The following MASTL variants were observed in gnomAD, a reference collection of about 807,000 sequenced individuals.
The protein encoded by MASTL is serine/threonine-protein kinase greatwall.
A neutral mutation model predicts 82.5 loss-of-function variants in MASTL; 54 were observed. The ratio of observed to expected loss-of-function variants is 0.65; its 90% CI spans 0.53 to 0.82. MASTL has a LOEUF of 0.82. Ranked by LOEUF, MASTL falls within the 40% of genes least tolerant of loss-of-function variation. The pLI, the probability that MASTL is intolerant of heterozygous loss-of-function variation, is 0.00. For synonymous variants in MASTL, 323 were observed against 368.9 expected, an observed-to-expected ratio of 0.88 and a Z score of 1.43; for missense variants, 950 against 1,047.8, an observed-to-expected ratio of 0.91 and a Z score of 1.29.
intron 8 of MASTL, among the ~76,000 whole-genome samples, chr10:27,171,558 A>G (rs1017033568): frequency 9.4e-6 from 1 of 106,236 alleles, no homozygotes; most frequent in African/African-American, 3.4e-5. Context: ...CAGCCTCCCA[A>G]GTAGCTGGGA....
intron 3 of MASTL, among the ~76,000 whole-genome samples, 155 bp from the exon 4 acceptor site, chr10:27,160,939 G>A (rs2057551406): frequency 6.6e-6 from 1 of 152,210 alleles, no homozygotes; most frequent in African/African-American, 2.4e-5. Context: ...GCTTTTGAGA[G>A]ATGTTTTCTG....
chr10:27,165,866 A>C (rs1312692593), intron 6 of MASTL, among the ~76,000 whole-genome samples: 1 of 151,344 alleles, frequency 6.6e-6, no homozygotes, highest in African/African-American at 2.4e-5. Context: ...GCGCCATTGC[A>C]CTCCAGCCTT....
intron 8 of MASTL, 117 bp from the exon 9 acceptor site, chr10:27,173,001 C>A: frequency 1.7e-6 from 2 of 1,185,750 alleles, no homozygotes; most frequent in Non-Finnish European, 1.2e-6. Flanking sequence ...AATTTGACTA[C>A]ATCCTTTACG....
chr10:27,163,150 C>T (rs1588663661), intron 4 of MASTL, among the ~76,000 whole-genome samples: 1 of 152,220 alleles, frequency 6.6e-6, no homozygotes, highest in East Asian at 1.9e-4. Flanking sequence ...CTCCTGACCT[C>T]AGGTGGTTCA....
chr10:27,181,633 GA>G (rs1356491845), intron 11 of MASTL, 52 bp downstream of exon 11: 11 of 1,351,882 alleles, frequency 8.1e-6, no homozygotes, highest in Non-Finnish European at 1.1e-5. Context: ...TGCAGATGGT[GA>G]ATATTTATAA....
intron 11 of MASTL, among the ~76,000 whole-genome samples, chr10:27,184,554 A>ATTTTTTTTTTTTTTTT (rs752147433): frequency 1.2e-5 from 1 of 84,848 alleles, no homozygotes; most frequent in Non-Finnish European, 2.1e-5. Context: ...TATAAGAAGG[A>ATTTTTTTTTTTTTTTT]TTTTTTTTTT....
intron 11 of MASTL, among the ~76,000 whole-genome samples, chr10:27,184,972 A>G (rs1557168): frequency 0.6 from 91,830 of 152,094 alleles, 28,022 homozygotes; most frequent in Non-Finnish European, 0.65. Context: ...AGAGCAGCTC[A>G]GTGATATAGA....
chr10:27,172,453 G>C (rs568676364), intron 8 of MASTL, among the ~76,000 whole-genome samples: 1 of 152,036 alleles, frequency 6.6e-6, no homozygotes, highest in African/African-American at 2.4e-5. Context: ...TCGGGAGATC[G>C]AGACCAGCCT....
chr10:27,183,040 C>G (rs2058418040), intron 11 of MASTL, among the ~76,000 whole-genome samples: 1 of 152,076 alleles, frequency 6.6e-6, no homozygotes, highest in South Asian at 2.1e-4. Context: ...TCTGTTCTGT[C>G]ATTTTTAAAA....
chr10:27,175,844 C>T (rs938174247), intron 9 of MASTL, among the ~76,000 whole-genome samples: 4 of 152,078 alleles, frequency 2.6e-5, no homozygotes, highest in Admixed American at 2.6e-4. Flanking sequence ...TGGCTGTAAT[C>T]CCAGCACTTT....
At chr10:27,168,972 C>A (rs2057828544) in intron 7 of MASTL, among the ~76,000 whole-genome samples, 1 of 151,980 alleles carries the variant, frequency 6.6e-6, no homozygotes, top group African/African-American at 2.4e-5. Flanking sequence ...TCTTGATCAC[C>A]AAGCACCAAT....
intron 4 of MASTL, among the ~76,000 whole-genome samples, chr10:27,162,537 C>T (rs1362125300): frequency 6.6e-6 from 1 of 152,044 alleles, no homozygotes; most frequent in African/African-American, 2.4e-5. Context: ...AGTGTGGTGG[C>T]ACACGCCTGT....
At chr10:27,176,866 G>A (rs981009629) in intron 9 of MASTL, among the ~76,000 whole-genome samples, 3 of 94,064 alleles carry the variant, frequency 3.2e-5, no homozygotes, top group African/African-American at 1.2e-4. Flanking sequence ...TTTTTTTTTT[G>A]AGACAGTCTC....
Position 27,159,746 on chromosome 10 carries a change from G to A in MASTL, c.452G>A (p.Gly151Glu). ...ALALDYLHRH[G>E]IIHRDLKPDN... is the part of the protein sequence containing the mutation. ...GCTCTAGACTACCTTCACAGACATG[G>A]AATCATCCACAGGTAAAGACTGACT... is the stretch of plus-strand genomic sequence containing the variant. The change falls in exon 3 of 12, where the codon GGA becomes GAA. Residue 151 changes from glycine to glutamate, a missense_variant. Physicochemically the swap from Gly to Glu is moderately conservative, Grantham distance 98. Coordinates refer to ENST00000375940, the MANE Select transcript of MASTL (RefSeq NM_001172303.3). The surrounding 1 kb of genome is among the most constrained non-coding windows in gnomAD (Gnocchi z 4.0). 6.2e-7 allele frequency: 1 copy of A among 1,612,084 alleles called. No homozygotes were observed. The highest frequency in any genetic ancestry group is 1.7e-4 in the Middle Eastern group (1 of 6,056).
In MASTL at chr10:27,170,813, C is replaced by G; in HGVS notation, c.1854C>G (p.Thr618=). Residue 618 remains threonine (T), a synonymous_variant, in exon 8 of 12, where the codon ACC becomes ACG. Coordinates refer to ENST00000375940, the MANE Select transcript of MASTL (RefSeq NM_001172303.3). The part of the protein sequence containing the change: ...LIVTPDCQEK[T]SPKGVENPAV... ...TAACACCAGATTGCCAAGAAAAGAC[C>G]TCACCAAAAGGTGTCGAGAACCCTG... is the stretch of plus-strand genomic sequence containing the variant. 1 of 1,614,134 alleles carries G rather than the reference C, an allele frequency of 6.2e-7. No homozygotes were observed. Among genetic ancestry groups the G allele is most frequent in the African/African-American group, 1.3e-5 (1 of 75,050 alleles).
Position 27,159,793 on chromosome 10 carries a change from A to C in MASTL, c.464+35A>C. ...GACTTCTCCAAATTATTACTTAAAA[A>C]TTCAAGTAATCAAATTACATATTTG... On this transcript the variant is annotated intron_variant, in intron 3 of 11. Transcript: ENST00000375940. This position sits in a 1 kb window ranked among gnomAD's most constrained non-coding sequence, Gnocchi z 4.0. The C allele has an allele frequency of 6.4e-7, 1 of 1,563,944 alleles. No individual in the cohort carries two copies. Among genetic ancestry groups the C allele is most frequent in the Non-Finnish European group, 8.8e-7 (1 of 1,136,462 alleles).
chr10:27,164,685 C>G (rs1423429978), intron 4 of MASTL, among the ~76,000 whole-genome samples: 1 of 151,890 alleles, frequency 6.6e-6, no homozygotes, highest in Admixed American at 6.6e-5. Flanking sequence ...TCGCCCTGGT[C>G]GGAGTGCAGT....
chr10:27,164,373 A>G (rs1588667427), intron 4 of MASTL, among the ~76,000 whole-genome samples: 4 of 152,330 alleles, frequency 2.6e-5, no homozygotes, highest in East Asian at 3.9e-4. Flanking sequence ...TCCTGGGCTC[A>G]TGGGATCCTC....
chr10:27,171,428 T>C (rs2057932459), intron 8 of MASTL, among the ~76,000 whole-genome samples: 1 of 149,620 alleles, frequency 6.7e-6, no homozygotes, highest in Admixed American at 6.7e-5. Context: ...TTATTATTAT[T>C]ATTATTATTA....
Sources: gnomAD v4.1 joint callset for allele counts (sites outside exome capture counted in the v4.1 genomes callset) on GRCh38, gnomAD v4.1.1 for gene constraint, Gnocchi (gnomAD v3.1) non-coding constraint, MANE v1.5 for transcripts, NCBI Gene and HGNC (gene_info 2026-07-23, HGNC 2026-07-21) for gene names.